The following ECH1 variants were observed in gnomAD, a reference collection of about 807,000 sequenced individuals.
The protein encoded by ECH1 is enoyl-CoA hydratase 1.
ECH1 carries 30 observed loss-of-function variants against 37.0 expected under a neutral mutation model. The observed-to-expected ratio is 0.81, with a 90% CI of 0.61 to 1.10. ECH1 has a LOEUF of 1.10. ECH1 is among the 50% of genes least tolerant of loss of function. The pLI is 0.00. For synonymous variants in ECH1, 178 were observed against 176.0 expected (o/e 1.01, Z -0.09); for missense variants, 456 against 441.6 (o/e 1.03, Z -0.29).
rs1195562760 is a variant in ECH1 at position 38,816,448 on chromosome 19, C to T, written c.659+5G>A. The T allele has an allele frequency of 3.7e-6, 6 of 1,614,156 alleles. No homozygotes were observed. The South Asian group carries it at 6.6e-5, about 18-fold the overall frequency. On this transcript the variant is annotated splice_donor_5th_base_variant and intron_variant, in intron 7 of 9. Coordinates refer to ENST00000221418, the MANE Select transcript of ECH1 (RefSeq NM_001398.3). ...TGCCCACACCCCCACACCCCCTGCA[C>T]CCACCTCTGGTTCCCGATGACCTTG...
rs532364591 is a variant in ECH1, at chr19:38,831,106, G to A, written c.321C>T (p.Ile107=). The A allele has an allele frequency of 6.2e-7, 1 of 1,613,974 alleles. No homozygotes were observed. The highest frequency in any genetic ancestry group is 1.3e-5 in the African/African-American group (1 of 74,936). The change falls in exon 3 of 10, where the codon ATC becomes ATT. Residue 107 remains isoleucine, a synonymous_variant. Transcript: ENST00000221418. ...CAGTGAACATTTTTCCTGCACCAGA[G>A]ATCACCACCGCCCGACAGTCAGCGT... is the stretch of plus-strand genomic sequence containing the variant. ...SRDADCRAVV[I]SGAGKMFTAG...
intron 3 of ECH1, among the ~76,000 whole-genome samples, chr19:38,829,575 T>C (rs1417891092): frequency 6.6e-6 from 1 of 152,092 alleles, no homozygotes; most frequent in Non-Finnish European, 1.5e-5. Context: ...CTCAGCACTT[T>C]TGGAGGCCGA....
chr19:38,825,330 G>T (rs1301213286), intron 3 of ECH1, among the ~76,000 whole-genome samples: 1 of 152,172 alleles, frequency 6.6e-6, no homozygotes, highest in Non-Finnish European at 1.5e-5. Flanking sequence ...ATTAGAAAAA[G>T]CCCATGAATT....
chr19:38,826,658 T>C (rs984578521), intron 3 of ECH1, among the ~76,000 whole-genome samples: 3 of 152,190 alleles, frequency 2.0e-5, no homozygotes, highest in Non-Finnish European at 2.9e-5. Context: ...TTCTTCTGTA[T>C]TCCCCTACAC....
rs745972137 is a variant in ECH1 at position 38,816,327 on chromosome 19, G to C, written c.688C>G (p.Arg230Gly). The change falls in exon 8 of 10, where the codon CGC becomes GGC. Residue 230 changes from arginine to glycine, a missense_variant. Physicochemically the swap from Arg to Gly is moderately radical, Grantham distance 125. Transcript: ENST00000221418. ...SLVNELAFTARKMMADEALGS... is the reference protein window; with the variant it reads ...SLVNELAFTAGKMMADEALGS... Reference sequence around the variant, plus strand: ...AGGGCCTCGTCAGCCATCATCTTGCGGGCGGTGAAGGCCAGCTCGTTGACC... The same window carrying C: ...AGGGCCTCGTCAGCCATCATCTTGCCGGCGGTGAAGGCCAGCTCGTTGACC... 6.2e-6 allele frequency: 10 copies of C among 1,613,632 alleles called. No homozygotes were observed. Among genetic ancestry groups the C allele is most frequent in the African/African-American group, 4.0e-5 (3 of 74,880 alleles).
intron 3 of ECH1, among the ~76,000 whole-genome samples, chr19:38,820,937 C>G (rs1472210230): frequency 6.6e-6 from 1 of 152,146 alleles, no homozygotes; most frequent in African/African-American, 2.4e-5. Flanking sequence ...GAATGTTTGT[C>G]AAATGAATGA....
chr19:38,821,701 C>T (rs1027568309), intron 3 of ECH1, among the ~76,000 whole-genome samples: 3 of 152,210 alleles, frequency 2.0e-5, no homozygotes, highest in Non-Finnish European at 2.9e-5. Context: ...GTGCTGCACT[C>T]GAATACTTGC....
chr19:38,831,510 G>C lies in ECH1; in HGVS notation c.59C>G (p.Thr20Arg), dbSNP rs774679263. ...RLRDLLTRRL[T>R]GSNYPGLSIS... ...ACTGAGTCCCGGGTAGTTGGAGCCTGTCAGTCCTGGGGAGAAAGGAACAGC... is the reference window on the plus strand; with the variant it reads ...ACTGAGTCCCGGGTAGTTGGAGCCTCTCAGTCCTGGGGAGAAAGGAACAGC... The change falls in exon 2 of 10, where the codon ACA becomes AGA. Residue 20 changes from threonine to arginine, a missense_variant. By Grantham distance (71) the Thr-to-Arg change is moderately conservative. Transcript: ENST00000221418. 25 of 1,613,488 alleles carry C rather than the reference G, an allele frequency of 1.5e-5. No individual in the cohort carries two copies. In the East Asian group the frequency reaches 5.3e-4, roughly 35 times the overall value.
chr19:38,827,183 CAGAA>C lies in ECH1; in HGVS notation c.349+3891_349+3894del, dbSNP rs573479085. 8.5e-5 allele frequency among the ~76,000 whole-genome samples: 13 copies of C among 152,134 alleles called. No individual in the cohort carries two copies. The East Asian group carries it at 1.9e-3, about 23-fold the overall frequency. ...CCTGGGAATATGTTAATGGACAAAA[CAGAA>C]AGAAATAGTTTACTGTCTGTCTTCC... On this transcript the variant is annotated intron_variant, in intron 3 of 9. Transcript: ENST00000221418.
In ECH1 at chr19:38,817,350, C is replaced by T; in HGVS notation, c.489G>A (p.Val163=). Residue 163 remains valine, a synonymous_variant, in exon 5 of 10, where the codon GTG becomes GTA. Coordinates refer to ENST00000221418, the MANE Select transcript of ECH1 (RefSeq NM_001398.3). ...FNVIERCPKP[V]IAAVHGGCIG... ...TGCAGCCCCCATGGACGGCAGCAAT[C>T]ACGGGCTTGGGGCACTGAGAGGGAA... 2 of 1,587,360 alleles carry T rather than the reference C, an allele frequency of 1.3e-6. No homozygotes were observed. Among genetic ancestry groups the T allele is most frequent in the Non-Finnish European group, 1.7e-6 (2 of 1,166,088 alleles).
At chr19:38,823,816 TCA>T (rs1971700166) in intron 3 of ECH1, among the ~76,000 whole-genome samples, 1 of 152,214 alleles carries the variant, frequency 6.6e-6, no homozygotes, top group South Asian at 2.1e-4. Flanking sequence ...AAACTTCCTC[TCA>T]CCTCTCTTCT....
At position 38,816,491 on chromosome 19, in the gene ECH1, T is replaced by TCCTACATC; in HGVS notation, c.613_620dup (p.Thr208MetfsTer2). ...TGACCTTGGGCAGGCGCTGCAGTGT[T>TCCTACATC]CCTACATCGGCAGCCAAACCCACGT... On this transcript the variant is annotated stop_gained and frameshift_variant, in exon 7 of 10. Transcript: ENST00000221418. LOFTEE classifies it high-confidence loss of function. 2 of 1,614,148 alleles carry TCCTACATC rather than the reference T, an allele frequency of 1.2e-6. No homozygotes were observed. The highest frequency in any genetic ancestry group is 2.2e-5 in the South Asian group (2 of 91,084).
rs750974836 is a variant in ECH1 at position 38,815,617 on chromosome 19, A to G, written c.983T>C (p.Leu328Pro). The change falls in exon 10 of 10, where the codon CTC becomes CCC. Residue 328 changes from leucine (L) to proline (P), a missense_variant. Leu to Pro is a moderately conservative substitution (Grantham distance 98). Coordinates refer to ENST00000221418, the MANE Select transcript of ECH1 (RefSeq NM_001398.3). ...GGGCCTGGGACGCGAGGGCTCTCAG[A>G]GCTTGGAGAAGGTGACGGTTTTCAG... ...KELKTVTFSK[L>P] 23 of 1,614,006 alleles carry G rather than the reference A, an allele frequency of 1.4e-5. No homozygotes were observed. The highest frequency in any genetic ancestry group is 1.6e-4 in the Middle Eastern group (1 of 6,084).
intron 8 of ECH1, 103 bp downstream of exon 8, chr19:38,816,181 C>G: frequency 6.7e-7 from 1 of 1,502,072 alleles, no homozygotes. Flanking sequence ...AGAAAGGATG[C>G]CACTAGGAAT....
intron 3 of ECH1, among the ~76,000 whole-genome samples, chr19:38,821,806 G>A (rs750803852): frequency 2.0e-5 from 3 of 152,314 alleles, no homozygotes; most frequent in African/African-American, 4.8e-5. Flanking sequence ...TGCACAGCCC[G>A]AGCCTCCCCG....
intron 2 of ECH1, 30 bp from the exon 3 acceptor site, chr19:38,831,196 T>A (rs1477707268): frequency 4.3e-6 from 7 of 1,612,898 alleles, no homozygotes; most frequent in Non-Finnish European, 5.9e-6. Context: ...GGGTTACAAA[T>A]GGGGCGGGAA....
At chr19:38,818,150 G>A (rs988404520) in intron 3 of ECH1, 3 of 878,032 alleles carry the variant, frequency 3.4e-6, no homozygotes, top group Non-Finnish European at 4.1e-6. Context: ...GAGCCACCAT[G>A]CCGCATCAGA....
At chr19:38,824,276 G>A (rs1971706831) in intron 3 of ECH1, among the ~76,000 whole-genome samples, 1 of 152,174 alleles carries the variant, frequency 6.6e-6, no homozygotes, top group Non-Finnish European at 1.5e-5. Flanking sequence ...CACTAAATCC[G>A]ACCTTCCTTG....
chr19:38,821,698 A>T (rs1483035353), intron 3 of ECH1, among the ~76,000 whole-genome samples: 1 of 152,138 alleles, frequency 6.6e-6, no homozygotes, highest in Non-Finnish European at 1.5e-5. Flanking sequence ...CTGGTGCTGC[A>T]CTCGAATACT....
Sources: allele counts gnomAD v4.1 joint callset (sites outside exome capture counted in the v4.1 genomes callset), GRCh38; gene constraint gnomAD v4.1.1; transcripts MANE v1.5; gene names NCBI Gene and HGNC (gene_info 2026-07-23, HGNC 2026-07-21).